LRRFIP2: variants seen among roughly 807,000 people sequenced by gnomAD.
LRRFIP2 encodes the protein leucine-rich repeat flightless-interacting protein 2.
In LRRFIP2, 109 loss-of-function variants were observed where a neutral mutation model predicts 125.9. That is an observed-to-expected ratio of 0.87 (90% CI 0.74 to 1.01). LRRFIP2 has a LOEUF of 1.01. Ranked by LOEUF, LRRFIP2 falls within the 50% of genes least tolerant of loss-of-function variation. LRRFIP2 has a pLI of 0.00. For missense variants in LRRFIP2, 850 were observed against 862.3 expected (o/e 0.99, Z 0.18); for synonymous variants, 291 against 293.1 (o/e 0.99, Z 0.07).
rs1344810046 is a variant in LRRFIP2, at chr3:37,065,856, A to G, written c.1653T>C (p.Ser551=). The G allele has an allele frequency of 1.2e-6, 2 of 1,614,182 alleles. No individual in the cohort carries two copies. Residue 551 remains serine, a synonymous_variant, in exon 23 of 28, where the codon TCT becomes TCC. Coordinates refer to ENST00000336686, the MANE Select transcript of LRRFIP2 (RefSeq NM_006309.4). ...EPVAGAITVV[S]QEAAQVLESA... ...ACTCCAAGACCTGAGCAGCTTCCTGAGACACAACAGTGATGGCTCCAGCCA... is the reference window on the plus strand; with the variant it reads ...ACTCCAAGACCTGAGCAGCTTCCTGGGACACAACAGTGATGGCTCCAGCCA...
intron 21 of LRRFIP2, among the ~76,000 whole-genome samples, chr3:37,070,357 A>G (rs2090958186): frequency 6.6e-6 from 1 of 151,200 alleles, no homozygotes; most frequent in Non-Finnish European, 1.5e-5. Flanking sequence ...CAAGGGATCC[A>G]CCCTCTTTGG....
At chr3:37,143,547 C>A in intron 2 of LRRFIP2, 1 of 250,272 alleles carries the variant, frequency 4.0e-6, no homozygotes. Context: ...AAGAAGTCCT[C>A]CTTGTCCTAC....
Position 37,103,819 on chromosome 3 carries a change from C to T in LRRFIP2, c.784-806G>A, listed in dbSNP as rs530076237. ...ACTAGCTTATTTTCCATCTCTTTCACGAGGATATAAATTCCATAAAGTCAG... is the reference window on the plus strand; with the variant it reads ...ACTAGCTTATTTTCCATCTCTTTCATGAGGATATAAATTCCATAAAGTCAG... On this transcript the variant is annotated intron_variant, in intron 14 of 27. Coordinates refer to ENST00000336686, the MANE Select transcript of LRRFIP2 (RefSeq NM_006309.4). Among the ~76,000 whole-genome samples the T allele has an allele frequency of 6.6e-5, 10 of 152,272 alleles. No individual in the cohort carries two copies. In the South Asian group the frequency reaches 1.9e-3, roughly 28 times the overall value.
At chr3:37,106,256 A>T (rs1198137795) in intron 13 of LRRFIP2, among the ~76,000 whole-genome samples, 10 of 152,230 alleles carry the variant, frequency 6.6e-5, no homozygotes. Context: ...AAATTCCTAC[A>T]ACAAGGACAA....
chr3:37,057,649 G>A (rs138394699), intron 25 of LRRFIP2, among the ~76,000 whole-genome samples: 53 of 151,920 alleles, frequency 3.5e-4, no homozygotes, highest in African/African-American at 1.2e-3. Context: ...TTATGGGTGC[G>A]GGCCACCACG....
At chr3:37,080,981 T>C (rs952921588) in intron 19 of LRRFIP2, among the ~76,000 whole-genome samples, 6 of 152,196 alleles carry the variant, frequency 3.9e-5, no homozygotes, top group Non-Finnish European at 5.9e-5. Flanking sequence ...CTTTTGATTA[T>C]GCTTTAAAAG....
chr3:37,166,265 G>A (rs2096487726), intron 1 of LRRFIP2, among the ~76,000 whole-genome samples: 1 of 152,094 alleles, frequency 6.6e-6, no homozygotes, highest in Non-Finnish European at 1.5e-5. Context: ...AGGAGGCGGA[G>A]GTTGCAGTGA....
intron 2 of LRRFIP2, among the ~76,000 whole-genome samples, chr3:37,139,683 G>A (rs2095643480): frequency 6.6e-6 from 1 of 151,994 alleles, no homozygotes; most frequent in Non-Finnish European, 1.5e-5. Flanking sequence ...TCCATTTTAT[G>A]ATGTCCTCCC....
intron 6 of LRRFIP2, among the ~76,000 whole-genome samples, chr3:37,115,801 A>G (rs978678804): frequency 3.9e-5 from 6 of 152,236 alleles, no homozygotes; most frequent in African/African-American, 1.4e-4. Context: ...TAAAAGTAAG[A>G]TATGTAATAC....
intron 2 of LRRFIP2, among the ~76,000 whole-genome samples, 179 bp from the exon 3 acceptor site, chr3:37,129,328 C>T (rs2095366906): frequency 6.6e-6 from 1 of 152,238 alleles, no homozygotes; most frequent in Non-Finnish European, 1.5e-5. Context: ...TCATTTCTTT[C>T]TCTAGTTCCT....
chr3:37,127,809 A>G, intron 3 of LRRFIP2, 129 bp from the exon 4 acceptor site: 1 of 701,814 alleles, frequency 1.4e-6, no homozygotes, highest in Non-Finnish European at 2.5e-6. Context: ...CATTCAAAAT[A>G]CAGAAAATTA....
At chr3:37,118,676 T>C (rs2094897087) in intron 6 of LRRFIP2, among the ~76,000 whole-genome samples, 2 of 152,176 alleles carry the variant, frequency 1.3e-5, no homozygotes. Context: ...AGATAGTATA[T>C]GAAAGTTAAT....
chr3:37,078,714 C>T (rs2092359457), intron 19 of LRRFIP2, among the ~76,000 whole-genome samples: 1 of 152,188 alleles, frequency 6.6e-6, no homozygotes, highest in Admixed American at 6.5e-5. Context: ...AGCACTCATA[C>T]TAAAACAGAA....
chr3:37,130,771 C>T (rs2149707272), intron 2 of LRRFIP2, among the ~76,000 whole-genome samples: 1 of 152,156 alleles, frequency 6.6e-6, no homozygotes, highest in Middle Eastern at 3.4e-3. Context: ...TTAATAATGG[C>T]CCCAAAGAGC....
intron 1 of LRRFIP2, among the ~76,000 whole-genome samples, chr3:37,165,098 G>A (rs2096445042): frequency 6.6e-6 from 1 of 151,994 alleles, no homozygotes; most frequent in East Asian, 1.9e-4. Flanking sequence ...AGCCAGGCGT[G>A]GTGGTGAGCG....
At chr3:37,166,454 A>C (rs2150343964) in intron 1 of LRRFIP2, among the ~76,000 whole-genome samples, 1 of 152,346 alleles carries the variant, frequency 6.6e-6, no homozygotes, top group African/African-American at 2.4e-5. Flanking sequence ...ATAGCTGATA[A>C]AGGATTGATA....
intron 6 of LRRFIP2, among the ~76,000 whole-genome samples, chr3:37,118,515 A>G (rs1164959337): frequency 6.6e-6 from 1 of 152,222 alleles, no homozygotes; most frequent in Non-Finnish European, 1.5e-5. Flanking sequence ...TTCAATTCTA[A>G]ATTCCTAACT....
intron 1 of LRRFIP2, among the ~76,000 whole-genome samples, chr3:37,149,618 GAAGAA>G (rs1471293541): frequency 6.6e-6 from 1 of 152,132 alleles, no homozygotes; most frequent in Non-Finnish European, 1.5e-5. Context: ...TAAACTTTTA[GAAGAA>G]AATGTTCAAG....
chr3:37,094,793 C>G lies in LRRFIP2; in HGVS notation c.1034G>C (p.Arg345Pro). Reference protein sequence around the residue: ...IDPDTSLSELRDIYDLKDQIQ... With the variant: ...IDPDTSLSELPDIYDLKDQIQ... ...AGAAAACCAAAAACTTCAGTTTACC[C>G]GCAATTCACTTAATGAAGTGTCTGG... The change falls in exon 17 of 28, where the codon CGG becomes CCG. Residue 345 changes from arginine (R) to proline (P), a missense_variant and splice_region_variant. By Grantham distance (103) the Arg-to-Pro change is moderately radical (BLOSUM62 -2). Coordinates refer to ENST00000336686, the MANE Select transcript of LRRFIP2 (RefSeq NM_006309.4). 4 of 1,608,422 alleles carry G rather than the reference C, an allele frequency of 2.5e-6. No individual in the cohort carries two copies. The highest frequency in any genetic ancestry group is 3.4e-6 in the Non-Finnish European group (4 of 1,175,220).
Sources: gnomAD v4.1 joint callset for allele counts (sites outside exome capture counted in the v4.1 genomes callset) on GRCh38, gnomAD v4.1.1 for gene constraint, MANE v1.5 for transcripts, NCBI Gene and HGNC (gene_info 2026-07-23, HGNC 2026-07-21) for gene names.